The following POU2F1 variants were observed in gnomAD, a reference collection of about 807,000 sequenced individuals.
POU2F1 encodes the protein POU domain, class 2, transcription factor 1.
POU2F1 carries 16 observed loss-of-function variants against 84.9 expected under a neutral mutation model. The observed-to-expected ratio is 0.19, with a 90% CI of 0.13 to 0.29. POU2F1 has a LOEUF of 0.29. Ranked by LOEUF, POU2F1 falls within the 10% of genes least tolerant of loss-of-function variation. The probability of loss-of-function intolerance (pLI) is 1.00; values close to 1 mark genes in which losing one functional copy is unlikely to be tolerated. For synonymous variants in POU2F1, 368 were observed against 368.3 expected, an observed-to-expected ratio of 1.00 and a Z score of 0.01; for missense variants, 738 against 942.6, an observed-to-expected ratio of 0.78 and a Z score of 2.84.
chr1:167,227,497 A>G (rs959987140), intron 1 of POU2F1, among the ~76,000 whole-genome samples: 1 of 152,184 alleles, frequency 6.6e-6, no homozygotes, highest in African/African-American at 2.4e-5. Context: ...CTTAAAGGGA[A>G]TATATTTTTA....
chr1:167,326,567 G>A (rs536205550), intron 1 of POU2F1, among the ~76,000 whole-genome samples: 1 of 152,234 alleles, frequency 6.6e-6, no homozygotes, highest in South Asian at 2.1e-4. Context: ...TGGTAGAAAG[G>A]GACTTTTCTT....
At chr1:167,230,551 T>C (rs1648994319) in intron 1 of POU2F1, among the ~76,000 whole-genome samples, 1 of 152,142 alleles carries the variant, frequency 6.6e-6, no homozygotes, top group Non-Finnish European at 1.5e-5. Flanking sequence ...CCTTAGGACT[T>C]CTGCTGGTCA....
intron 2 of POU2F1, among the ~76,000 whole-genome samples, chr1:167,354,277 T>C (rs952806243): frequency 2.0e-5 from 3 of 151,948 alleles, no homozygotes; most frequent in Non-Finnish European, 4.4e-5. Context: ...GTCCCCAGAG[T>C]ATTTTCTTTA....
At chr1:167,391,163 C>T (rs1406086781) in intron 9 of POU2F1, among the ~76,000 whole-genome samples, 1 of 152,110 alleles carries the variant, frequency 6.6e-6, no homozygotes, top group Non-Finnish European at 1.5e-5. Flanking sequence ...TGGTCTTGAA[C>T]TCTTGGCCTC....
rs930636333 is a variant in POU2F1, at chr1:167,336,640, T to TA, written c.127+4114dup. On this transcript the variant is annotated intron_variant, in intron 2 of 15. Coordinates refer to ENST00000367866, the MANE Select transcript of POU2F1 (RefSeq NM_002697.4). The stretch of plus-strand genomic sequence containing the variant: ...TAAATTAAGTGTAAGGACGATTATT[T>TA]AAAAAAAAAGAAAAGGAAATTCATG... 1.2e-3 allele frequency among the ~76,000 whole-genome samples: 175 copies of TA among 151,302 alleles called. 2 individuals are homozygous for TA. The East Asian group carries it at 0.017, about 15-fold the overall frequency.
intron 12 of POU2F1, among the ~76,000 whole-genome samples, chr1:167,400,707 A>G (rs1649144925): frequency 6.6e-6 from 1 of 152,212 alleles, no homozygotes; most frequent in South Asian, 2.1e-4. Flanking sequence ...TGACTTCTAC[A>G]TTGTCAGGAT....
intron 1 of POU2F1, among the ~76,000 whole-genome samples, chr1:167,326,873 G>A (rs1656742525): frequency 6.6e-6 from 1 of 152,172 alleles, no homozygotes; most frequent in Non-Finnish European, 1.5e-5. Context: ...GTTTAGAGAT[G>A]TTATTACATA....
chr1:167,240,303 T>C (rs555912725), intron 1 of POU2F1, among the ~76,000 whole-genome samples: 1 of 152,330 alleles, frequency 6.6e-6, no homozygotes, highest in Admixed American at 6.5e-5. Context: ...GACAGAACCT[T>C]CTTTAAGTCC....
intron 1 of POU2F1, among the ~76,000 whole-genome samples, chr1:167,285,182 TTA>T (rs1357013110): frequency 6.6e-6 from 1 of 152,170 alleles, no homozygotes; most frequent in Non-Finnish European, 1.5e-5. Context: ...AATGACTGCT[TTA>T]TAGAGTTTTG....
chr1:167,398,698 T>C (rs1648984498), intron 11 of POU2F1, among the ~76,000 whole-genome samples: 1 of 152,224 alleles, frequency 6.6e-6, no homozygotes, highest in Admixed American at 6.5e-5. Context: ...TTTTGACTTC[T>C]CTAATTCAGA....
At chr1:167,317,113 G>A (rs1655962438) in intron 1 of POU2F1, among the ~76,000 whole-genome samples, 1 of 152,138 alleles carries the variant, frequency 6.6e-6, no homozygotes. Context: ...GGCTGGTCTT[G>A]AACTACTGAC....
At chr1:167,352,558 T>C (rs987294316) in intron 2 of POU2F1, among the ~76,000 whole-genome samples, 1 of 152,212 alleles carries the variant, frequency 6.6e-6, no homozygotes, top group Non-Finnish European at 1.5e-5. Flanking sequence ...GGTGGAAGGC[T>C]CGGAATTTCA....
At chr1:167,291,807 G>A (rs2102535145) in intron 1 of POU2F1, among the ~76,000 whole-genome samples, 1 of 152,184 alleles carries the variant, frequency 6.6e-6, no homozygotes, top group South Asian at 2.1e-4. Flanking sequence ...TTAAAGCTTA[G>A]CAAGAGAATT....
chr1:167,247,845 A>G (rs1210727707), intron 1 of POU2F1, among the ~76,000 whole-genome samples: 3 of 152,234 alleles, frequency 2.0e-5, no homozygotes, highest in Non-Finnish European at 4.4e-5. Flanking sequence ...CCATGCAATC[A>G]AACTGTGCAG....
Position 167,389,618 on chromosome 1 carries a change from A to G in POU2F1, c.844A>G (p.Thr282Ala), listed in dbSNP as rs1648245269. The G allele has an allele frequency of 3.7e-6, 6 of 1,614,150 alleles. No individual in the cohort carries two copies. The highest frequency in any genetic ancestry group is 1.3e-5 in the African/African-American group (1 of 75,030). ...AACCCCAACACGCACAATAGCAGCA[A>G]CCCCAATTCAGACACTTCCACAGAG... is the stretch of plus-strand genomic sequence containing the variant. Reference protein sequence around the residue: ...PATPTRTIAATPIQTLPQSQS... With the variant: ...PATPTRTIAAAPIQTLPQSQS... Residue 282 changes from threonine (T) to alanine (A), a missense_variant, in exon 9 of 16, where the codon ACC (threonine) becomes GCC (alanine). Around this residue, in one of 4 missense-constraint regions of POU2F1, gnomAD observed 163 missense variants for 214.4 expected, o/e 0.76. Transcript: ENST00000367866.
chr1:167,411,263 C>T (rs1322501026), intron 13 of POU2F1, among the ~76,000 whole-genome samples: 1 of 152,132 alleles, frequency 6.6e-6, no homozygotes, highest in Admixed American at 6.5e-5. Context: ...TGGTCTCAAT[C>T]TCTTGACCTC....
rs566463805 is a variant in POU2F1 at position 167,271,820 on chromosome 1, A to T, written c.61+50862A>T. Among the ~76,000 whole-genome samples, 6 of 152,324 alleles carry T rather than the reference A, an allele frequency of 3.9e-5. No individual in the cohort carries two copies. The South Asian group carries it at 1.2e-3, about 32-fold the overall frequency. On this transcript the variant is annotated intron_variant, in intron 1 of 15. Coordinates refer to ENST00000367866, the MANE Select transcript of POU2F1 (RefSeq NM_002697.4). Reference sequence around the variant, plus strand: ...TAGGCAAACAATGGTCCTCAGGTCAAATTCGTGTTTTCTGTTTTTGTATGG... The same window carrying T: ...TAGGCAAACAATGGTCCTCAGGTCATATTCGTGTTTTCTGTTTTTGTATGG...
At chr1:167,360,297 T>G (rs1054847264) in intron 2 of POU2F1, among the ~76,000 whole-genome samples, 1 of 152,180 alleles carries the variant, frequency 6.6e-6, no homozygotes, top group African/African-American at 2.4e-5. Flanking sequence ...CAAGAGTATC[T>G]CCTAGGTTTT....
chr1:167,225,862 A>G (rs1648592556), intron 1 of POU2F1, among the ~76,000 whole-genome samples: 1 of 152,188 alleles, frequency 6.6e-6, no homozygotes, highest in African/African-American at 2.4e-5. Context: ...CCATAGTTGT[A>G]ATCTTTGCAT....
Sources: allele counts gnomAD v4.1 joint callset (sites outside exome capture counted in the v4.1 genomes callset), GRCh38; gene constraint gnomAD v4.1.1; regional missense constraint gnomAD v4.1.1; transcripts MANE v1.5; gene names NCBI Gene and HGNC (gene_info 2026-07-23, HGNC 2026-07-21).